The following CFAP20DC variants were observed in gnomAD, a reference collection of about 807,000 sequenced individuals.
The protein encoded by CFAP20DC is CFAP20 domain containing, also known as protein CFAP20DC.
A neutral mutation model predicts 101.7 loss-of-function variants in CFAP20DC; 84 were observed. The observed-to-expected ratio is 0.83, with a 90% CI of 0.69 to 0.99. The LOEUF (loss-of-function observed/expected upper bound fraction) is 0.99, where lower values mean the gene tolerates loss of function less well. Among genes scored for constraint, CFAP20DC ranks in the 50% least tolerant of loss-of-function variants. The pLI, the probability that CFAP20DC is intolerant of heterozygous loss-of-function variation, is 0.00. For missense variants in CFAP20DC, 1,007 were observed against 970.3 expected (o/e 1.04, Z -0.50); for synonymous variants, 359 against 351.2 (o/e 1.02, Z -0.25).
intron 6 of CFAP20DC, among the ~76,000 whole-genome samples, chr3:58,890,298 C>T (rs1462317395): frequency 1.5e-4 from 22 of 141,942 alleles, no homozygotes; most frequent in Admixed American, 7.0e-4. Flanking sequence ...GGCGGCTGTC[C>T]GGGCGGGGGG....
At chr3:58,891,232 G>A (rs909002492) in intron 6 of CFAP20DC, among the ~76,000 whole-genome samples, 7 of 151,910 alleles carry the variant, frequency 4.6e-5, no homozygotes, top group African/African-American at 1.7e-4. Context: ...AGACCGGCCC[G>A]GCCAACACAG....
chr3:58,842,154 C>T (rs931495076), intron 13 of CFAP20DC, among the ~76,000 whole-genome samples: 1 of 152,072 alleles, frequency 6.6e-6, no homozygotes, highest in South Asian at 2.1e-4. Flanking sequence ...TACCAGTACT[C>T]GGAGGAGCCA....
At chr3:58,866,492 G>T in intron 11 of CFAP20DC, 74 bp downstream of exon 11, 4 of 1,281,726 alleles carry the variant, frequency 3.1e-6, no homozygotes, top group South Asian at 1.7e-5. Context: ...TTTTCAAAAT[G>T]ACTGGATTTG....
intron 4 of CFAP20DC, among the ~76,000 whole-genome samples, chr3:58,941,669 C>T (rs1386962327): frequency 2.0e-5 from 3 of 151,802 alleles, no homozygotes; most frequent in Non-Finnish European, 4.4e-5. Flanking sequence ...CCTGGGTTCA[C>T]GCCATTCTCC....
chr3:59,049,694 C>A lies in CFAP20DC; in HGVS notation c.-63G>T. The A allele has an allele frequency of 1.3e-6, 2 of 1,523,230 alleles. No homozygotes were observed. The highest frequency in any genetic ancestry group is 1.8e-6 in the Non-Finnish European group (2 of 1,139,518). The allele number at this position is 1,523,230 out of a possible 1,614,324, so 94.4% of individuals were successfully genotyped here. A position where few individuals can be genotyped will look rare whatever the true frequency, so the allele number is the denominator to read the frequency against. On this transcript the variant is annotated 5_prime_UTR_variant, in exon 1 of 17. Transcript: ENST00000482387. ...CAGGGTTTCCAGCGAGTGGCGTGAC[C>A]CTGACGGCTGGAAATCGGCTGGCGG... is the stretch of plus-strand genomic sequence containing the variant.
At chr3:59,031,339 G>A (rs2093991316) in intron 4 of CFAP20DC, among the ~76,000 whole-genome samples, 1 of 152,154 alleles carries the variant, frequency 6.6e-6, no homozygotes, top group Non-Finnish European at 1.5e-5. Flanking sequence ...AGGGAGATAA[G>A]AAGAATAACT....
At chr3:58,981,494 G>C (rs1329306696) in intron 4 of CFAP20DC, among the ~76,000 whole-genome samples, 3 of 152,136 alleles carry the variant, frequency 2.0e-5, no homozygotes, top group Non-Finnish European at 4.4e-5. Context: ...GCATGGTACT[G>C]GTACCAAAAC....
At position 58,724,135 on chromosome 3, in the gene CFAP20DC, T is replaced by TG. The variant is rs1025701622; in HGVS notation, c.198-6508dup. On this transcript the variant is annotated intron_variant, in intron 3 of 3. Coordinates refer to the CFAP20DC transcript ENST00000486145. The surrounding 1 kb of genome is among the most constrained non-coding windows in gnomAD (Gnocchi z 5.6). The stretch of plus-strand genomic sequence containing the variant: ...CCTGGGGAATTCTCAAGTTGGTTTG[T>TG]GGGGGTCAAGCAGGTTCTTCCTTTT... Among the ~76,000 whole-genome samples, 4 of 152,068 alleles carry TG rather than the reference T, an allele frequency of 2.6e-5. No homozygotes were observed. The highest frequency in any genetic ancestry group is 4.4e-5 in the Non-Finnish European group (3 of 68,004).
chr3:59,035,203 G>A (rs2094074494), intron 4 of CFAP20DC, among the ~76,000 whole-genome samples: 1 of 152,158 alleles, frequency 6.6e-6, no homozygotes, highest in African/African-American at 2.4e-5. Context: ...GTGTTTAGAA[G>A]TAAATTTATA....
At chr3:58,765,490 C>CAAAAAAAAAAAAAAAAAAAAAAAA (rs1337049385) in intron 15 of CFAP20DC, among the ~76,000 whole-genome samples, 25 of 81,806 alleles carry the variant, frequency 3.1e-4, no homozygotes, top group Non-Finnish European at 4.8e-4. Flanking sequence ...AAAAAAAAAC[C>CAAAAAAAAAAAAAAAAAAAAAAAA]AAAAAAAAAA....
chr3:58,981,712 T>G (rs2092554421), intron 4 of CFAP20DC, among the ~76,000 whole-genome samples: 1 of 152,180 alleles, frequency 6.6e-6, no homozygotes, highest in African/African-American at 2.4e-5. Flanking sequence ...TAATTCAAGA[T>G]GGATTGAAGA....
rs1214912094 is a variant in CFAP20DC, at chr3:58,867,806, T to G, written c.1135+11A>C. The G allele has an allele frequency of 6.2e-7, 1 of 1,613,464 alleles. No individual in the cohort carries two copies. The highest frequency in any genetic ancestry group is 1.7e-5 in the Admixed American group (1 of 60,024). On this transcript the variant is annotated intron_variant, in intron 10 of 16. Transcript: ENST00000482387. ...ATACAGATATAAGATAGGATTGAAA[T>G]AGTGCCATACCGCTGGGTGTCTCTG...
At chr3:58,770,065 C>T (rs1387786726) in intron 15 of CFAP20DC, among the ~76,000 whole-genome samples, 3 of 152,140 alleles carry the variant, frequency 2.0e-5, no homozygotes, top group Admixed American at 2.0e-4. Context: ...TTCCTGTATG[C>T]CAGTACTTTC....
intron 15 of CFAP20DC, among the ~76,000 whole-genome samples, chr3:58,772,756 G>A (rs1393477980): frequency 6.6e-6 from 1 of 152,134 alleles, no homozygotes; most frequent in East Asian, 1.9e-4. Context: ...AGCAGCCAAA[G>A]TAGAATGTTG....
chr3:58,966,783 C>T (rs568785808), intron 4 of CFAP20DC, among the ~76,000 whole-genome samples: 1 of 152,004 alleles, frequency 6.6e-6, no homozygotes, highest in African/African-American at 2.4e-5. Flanking sequence ...CCTCAGCCTC[C>T]CAGGATGCTG....
At chr3:58,845,947 T>C (rs2077597619) in intron 13 of CFAP20DC, among the ~76,000 whole-genome samples, 1 of 150,872 alleles carries the variant, frequency 6.6e-6, no homozygotes, top group Non-Finnish European at 1.5e-5. Flanking sequence ...GAAAAAGCCT[T>C]TGACAAAATT....
At chr3:59,048,475 G>A (rs1265131497) in intron 1 of CFAP20DC, among the ~76,000 whole-genome samples, 2 of 152,120 alleles carry the variant, frequency 1.3e-5, no homozygotes, top group African/African-American at 4.8e-5. Flanking sequence ...AAAGACAAAA[G>A]CCCTCATACT....
At chr3:58,840,350 T>C (rs2077015805) in intron 13 of CFAP20DC, among the ~76,000 whole-genome samples, 1 of 152,196 alleles carries the variant, frequency 6.6e-6, no homozygotes, top group African/African-American at 2.4e-5. Context: ...GAACTGCTAC[T>C]AGTTATGCCC....
intron 14 of CFAP20DC, among the ~76,000 whole-genome samples, chr3:58,827,680 G>A (rs1291195621): frequency 2.0e-5 from 3 of 152,054 alleles, no homozygotes; most frequent in African/African-American, 7.2e-5. Context: ...ACCCACATGC[G>A]GAATCACTCC....
Sources: allele counts gnomAD v4.1 joint callset (sites outside exome capture counted in the v4.1 genomes callset), GRCh38; gene constraint gnomAD v4.1.1; non-coding constraint Gnocchi (gnomAD v3.1); transcripts MANE v1.5; gene names NCBI Gene and HGNC (gene_info 2026-07-23, HGNC 2026-07-21).